The following NLRP12 variants were observed in gnomAD, a reference collection of about 807,000 sequenced individuals.
NLRP12 encodes NACHT, LRR and PYD domains-containing protein 12.
A neutral mutation model predicts 91.2 loss-of-function variants in NLRP12; 108 were observed. The observed-to-expected ratio is 1.18, with a 90% CI of 1.01 to 1.39. The LOEUF is 1.39. NLRP12 is among the 40% of genes most tolerant of loss of function. The pLI is 0.00. For synonymous variants in NLRP12, 613 were observed against 566.7 expected, an observed-to-expected ratio of 1.08 and a Z score of -1.16; for missense variants, 1,530 against 1,352.7, an observed-to-expected ratio of 1.13 and a Z score of -2.06.
At chr19:53,807,374 C>T in intron 4 of NLRP12, 121 bp downstream of exon 4, 1 of 1,015,530 alleles carries the variant, frequency 9.8e-7, no homozygotes, top group Non-Finnish European at 1.5e-6. Flanking sequence ...GGCTTTGTGA[C>T]ACTTTTTTAT....
intron 7 of NLRP12, 24 bp downstream of exon 7, chr19:53,801,203 C>A (rs767210312): frequency 6.2e-7 from 1 of 1,610,536 alleles, no homozygotes; most frequent in Non-Finnish European, 8.5e-7. Flanking sequence ...GGACTCCTAG[C>A]GTGGTGAGCA....
Position 53,824,267 on chromosome 19 carries a change from T to C in NLRP12, c.-93A>G. 7.6e-7 allele frequency: 1 copy of C among 1,315,808 alleles called. No individual in the cohort carries two copies. Among genetic ancestry groups the C allele is most frequent in the Non-Finnish European group, 1.1e-6 (1 of 928,114 alleles). The allele number at this position is 1,315,808 out of a possible 1,614,324, so 81.5% of individuals were successfully genotyped here. ...CGACCCCAGCACACCTTCCATTGCA[T>C]CATTCACAGGCAGCGGGCGGAGAGG... On this transcript the variant is annotated 5_prime_UTR_variant, in exon 1 of 10. The change abolishes an upstream ATG in the 5' untranslated region. Transcript: ENST00000324134.
Position 53,801,352 on chromosome 19 carries a change from G to A in NLRP12, c.2631C>T (p.Ala877=). 6 of 1,614,030 alleles carry A rather than the reference G, an allele frequency of 3.7e-6. No homozygotes were observed. The highest frequency in any genetic ancestry group is 5.1e-6 in the Non-Finnish European group (6 of 1,180,012). The part of the protein sequence containing the change: ...RLTAAACDEL[A]STLSVNQSLR... ...GGCTCTGGTTCACACTGAGAGTTGA[G>A]GCCAGCTCGTCACAGGCAGCAGCAG... is the stretch of plus-strand genomic sequence containing the variant. Residue 877 remains alanine (A), a synonymous_variant, in exon 7 of 10, where the codon GCC becomes GCT. Transcript: ENST00000324134.
chr19:53,804,020 C>T lies in NLRP12; in HGVS notation c.2517G>A (p.Leu839=). 1 of 1,614,150 alleles carries T rather than the reference C, an allele frequency of 6.2e-7. No homozygotes were observed. Among genetic ancestry groups the T allele is most frequent in the Non-Finnish European group, 8.5e-7 (1 of 1,180,032 alleles). ...LVELDLTGNA[L]EDLGLRLLCQ... ...ATAGTAACCTCAGGCCCAAATCCTC[C>T]AGTGCATTTCCTGTCAGGTCCAACT... is the stretch of plus-strand genomic sequence containing the variant. The change falls in exon 6 of 10, where the codon CTG becomes CTA. Residue 839 remains leucine (L), a synonymous_variant. Coordinates refer to ENST00000324134, the MANE Select transcript of NLRP12 (RefSeq NM_144687.4).
chr19:53,799,918 C>T (rs1240532477), intron 7 of NLRP12, among the ~76,000 whole-genome samples: 1 of 152,074 alleles, frequency 6.6e-6, no homozygotes, highest in Non-Finnish European at 1.5e-5. Context: ...AATCCCAGCA[C>T]TTTGGAAGGC....
chr19:53,819,593 A>ATACACACGTATATATGTATG lies in NLRP12; in HGVS notation c.289+4292_289+4293insCATACATATATACGTGTGTA, dbSNP rs1435332795. Among the ~76,000 whole-genome samples, 332 of 76,000 alleles carry ATACACACGTATATATGTATG rather than the reference A, an allele frequency of 4.4e-3. 117 individuals carry two copies. The highest frequency in any genetic ancestry group is 6.1e-3 in the Non-Finnish European group (206 of 33,522). 49.9% of individuals were successfully genotyped at this position (76,000 alleles called of 152,430 possible). A position where few individuals can be genotyped will look rare whatever the true frequency, so the allele number is the denominator to read the frequency against. On this transcript the variant is annotated intron_variant, in intron 1 of 9. Transcript: ENST00000324134. Reference sequence around the variant, plus strand: ...TATGCGTATATATGTATGTATACGTATATACGCATATATATGTATGTATAC... The same window carrying ATACACACGTATATATGTATG: ...TATGCGTATATATGTATGTATACGTATACACACGTATATATGTATGTATACGCATATATATGTATGTATAC...
chr19:53,814,743 G>T (rs529234993), intron 2 of NLRP12, among the ~76,000 whole-genome samples, 165 bp downstream of exon 2: 2 of 152,196 alleles, frequency 1.3e-5, no homozygotes, highest in Non-Finnish European at 2.9e-5. Context: ...AAATGCTGAC[G>T]TGGAAAGGTT....
rs746108413 is a variant in NLRP12, at chr19:53,795,870, G to A, written c.3087C>T (p.Leu1029=). ...TCATCATCCCTCACCAGAGGACTCGGAGTTTGCAGCCAGGATGGCTCAGCC... is the reference window on the plus strand; with the variant it reads ...TCATCATCCCTCACCAGAGGACTCGAAGTTTGCAGCCAGGATGGCTCAGCC... ...CKRLSHPGCK[L]RVLWLFGMDL... Residue 1029 remains leucine, a synonymous_variant, in exon 9 of 10, where the codon CTC becomes CTT. Coordinates refer to ENST00000324134, the MANE Select transcript of NLRP12 (RefSeq NM_144687.4). The A allele has an allele frequency of 3.1e-6, 5 of 1,613,952 alleles. No individual in the cohort carries two copies.
intron 1 of NLRP12, among the ~76,000 whole-genome samples, chr19:53,823,460 T>TATATTTTTA (rs2092295746): frequency 9.0e-6 from 1 of 111,194 alleles, no homozygotes; most frequent in Non-Finnish European, 1.7e-5. Flanking sequence ...ATATATATTT[T>TATATTTTTA]AAATATATAT....
chr19:53,808,791 A>G (rs536677214), intron 3 of NLRP12: 1 of 152,302 alleles, frequency 6.6e-6, no homozygotes, highest in Admixed American at 6.5e-5. Context: ...TTGTGGCACT[A>G]TTGACACTTT....
At chr19:53,819,756 G>T (rs116074021) in intron 1 of NLRP12, among the ~76,000 whole-genome samples, 1,768 of 145,364 alleles carry the variant, frequency 0.012, 42 homozygotes, top group African/African-American at 0.043. Context: ...TGCTCTTCTT[G>T]TCCAGGCTGG....
chr19:53,795,107 C>CGTGTGT lies in NLRP12; in HGVS notation c.3098+746_3098+751dup, dbSNP rs56027837. 2.7e-3 allele frequency among the ~76,000 whole-genome samples: 231 copies of CGTGTGT among 85,494 alleles called. 1 individual carries two copies. The highest frequency in any genetic ancestry group is 6.9e-3 in the African/African-American group (145 of 21,158). 56.1% of individuals were successfully genotyped at this position (85,494 alleles called of 152,430 possible). On this transcript the variant is annotated intron_variant, in intron 9 of 9. Transcript: ENST00000324134. ...TGTGTGCCACCATACCTGGTGTGTG[C>CGTGTGT]GTGTGTGTGTGTGTGTGTGTGTGTG...
intron 2 of NLRP12, among the ~76,000 whole-genome samples, chr19:53,813,299 C>CTTTTTTTTTTTTTTTTTTTTTTTTT (rs1160039078): frequency 8.1e-5 from 7 of 86,008 alleles, no homozygotes; most frequent in African/African-American, 1.9e-4. Context: ...TTTTTCTTTT[C>CTTTTTTTTTTTTTTTTTTTTTTTTT]TTTTTTTTTT....
rs1203113395 is a variant in NLRP12, at chr19:53,823,494, ATT to A, written c.289+390_289+391del. 9.0e-3 allele frequency among the ~76,000 whole-genome samples: 736 copies of A among 81,708 alleles called. 6 individuals are homozygous for A. The highest frequency in any genetic ancestry group is 0.023 in the African/African-American group (447 of 19,794). 53.6% of individuals were successfully genotyped at this position (81,708 alleles called of 152,430 possible). A position where few individuals can be genotyped will look rare whatever the true frequency, so the allele number is the denominator to read the frequency against. The stretch of plus-strand genomic sequence containing the variant: ...ATTTAAAATATATATTTTAAAATAT[ATT>A]TATTTAAAATATATATTTAAAACAT... On this transcript the variant is annotated intron_variant, in intron 1 of 9. Transcript: ENST00000324134.
chr19:53,813,223 A>G (rs751491380), intron 2 of NLRP12, among the ~76,000 whole-genome samples: 8 of 150,878 alleles, frequency 5.3e-5, no homozygotes, highest in Non-Finnish European at 2.9e-5. Flanking sequence ...TCTAAACAGA[A>G]ACTCCATATC....
Position 53,798,255 on chromosome 19 carries a change from A to T in NLRP12, c.2915T>A (p.Leu972His), listed in dbSNP as rs1244542663. ...AEGLQHPACR[L>H]QKLWLDSCGL... ...CCCCGATGCTCACCACAGTTTCTGG[A>T]GTCTGCAGGCGGGATGTTGCAGCCC... The change falls in exon 8 of 10, where the codon CTC becomes CAC. Residue 972 changes from leucine to histidine, a missense_variant. By Grantham distance (99) the Leu-to-His change is moderately conservative (BLOSUM62 -3). Transcript: ENST00000324134. The T allele has an allele frequency of 1.9e-6, 3 of 1,614,066 alleles. No homozygotes were observed. The highest frequency in any genetic ancestry group is 2.5e-6 in the Non-Finnish European group (3 of 1,180,042).
At chr19:53,804,548 A>G (rs2091926901) in intron 5 of NLRP12, among the ~76,000 whole-genome samples, 1 of 150,736 alleles carries the variant, frequency 6.6e-6, no homozygotes, top group Non-Finnish European at 1.5e-5. Flanking sequence ...AGGCTGGGCT[A>G]CAGGTGTGTG....
chr19:53,809,529 A>AC, intron 3 of NLRP12, 58 bp downstream of exon 3: 3 of 1,339,222 alleles, frequency 2.2e-6, no homozygotes, highest in Non-Finnish European at 3.0e-6. Flanking sequence ...AAAAAAAAAA[A>AC]AAAAAAAAAA....
chr19:53,814,020 T>A (rs1434234982), intron 2 of NLRP12, among the ~76,000 whole-genome samples: 1 of 152,036 alleles, frequency 6.6e-6, no homozygotes, highest in African/African-American at 2.4e-5. Flanking sequence ...CTAGATTCAT[T>A]TCATGCTCCC....
Sources: allele counts gnomAD v4.1 joint callset (sites outside exome capture counted in the v4.1 genomes callset), GRCh38; gene constraint gnomAD v4.1.1; transcripts MANE v1.5; gene names NCBI Gene and HGNC (gene_info 2026-07-23, HGNC 2026-07-21).